The following ADAM22 variants were observed in gnomAD, a reference collection of about 807,000 sequenced individuals.
The protein encoded by ADAM22 is disintegrin and metalloproteinase domain-containing protein 22.
ADAM22 carries 65 observed loss-of-function variants against 144.6 expected under a neutral mutation model. The ratio of observed to expected loss-of-function variants is 0.45; its 90% confidence interval spans 0.37 to 0.55. The LOEUF is 0.55. Among genes scored for constraint, ADAM22 ranks in the 20% least tolerant of loss-of-function variants. The pLI is 0.00. For synonymous variants in ADAM22, 391 were observed against 412.6 expected, an observed-to-expected ratio of 0.95 and a Z score of 0.63; for missense variants, 974 against 1,184.9, an observed-to-expected ratio of 0.82 and a Z score of 2.61.
intron 19 of ADAM22, 32 bp from the exon 20 acceptor site, chr7:88,151,225 A>C: frequency 1.2e-6 from 2 of 1,613,290 alleles, no homozygotes; most frequent in Non-Finnish European, 1.7e-6. Flanking sequence ...CAGATATTGC[A>C]TCGCTAATGG....
Position 88,028,256 on chromosome 7 carries a change from A to G in ADAM22, c.324-47370A>G, listed in dbSNP as rs1799469320. Among the ~76,000 whole-genome samples the G allele has an allele frequency of 3.3e-5, 5 of 152,122 alleles. 1 individual carries two copies. The highest frequency in any genetic ancestry group is 3.3e-4 in the Admixed American group (5 of 15,278). On this transcript the variant is annotated intron_variant, in intron 3 of 31. Transcript: ENST00000413139. Reference sequence around the variant, plus strand: ...ATTGACCTACTCGTCATTCAGGAGCATGTTGTTTAATTTCCATGTGTTTGT... The same window carrying G: ...ATTGACCTACTCGTCATTCAGGAGCGTGTTGTTTAATTTCCATGTGTTTGT...
At chr7:87,951,243 G>A (rs1845057630) in intron 2 of ADAM22, among the ~76,000 whole-genome samples, 1 of 141,966 alleles carries the variant, frequency 7.0e-6, no homozygotes, top group Non-Finnish European at 1.5e-5. Flanking sequence ...GTAATGCCTA[G>A]GTTTTCTTCT....
At chr7:88,079,639 G>C (rs1035818578) in intron 4 of ADAM22, among the ~76,000 whole-genome samples, 1 of 152,112 alleles carries the variant, frequency 6.6e-6, no homozygotes, top group Non-Finnish European at 1.5e-5. Flanking sequence ...TCAAAGTAAA[G>C]GGATGGAGGA....
At chr7:88,038,147 A>G (rs972193034) in intron 3 of ADAM22, among the ~76,000 whole-genome samples, 1 of 152,114 alleles carries the variant, frequency 6.6e-6, no homozygotes, top group East Asian at 1.9e-4. Flanking sequence ...AGCATTCTCC[A>G]TGTCCTGTGG....
At chr7:87,969,876 T>C (rs954378994) in intron 2 of ADAM22, among the ~76,000 whole-genome samples, 38 of 152,194 alleles carry the variant, frequency 2.5e-4, no homozygotes, top group Admixed American at 6.6e-4. Flanking sequence ...AGATACAATA[T>C]ATAATCAGCT....
intron 30 of ADAM22, among the ~76,000 whole-genome samples, chr7:88,188,726 T>C (rs1848906539): frequency 6.6e-6 from 1 of 152,192 alleles, no homozygotes; most frequent in Admixed American, 6.5e-5. Flanking sequence ...AAGCCTCACA[T>C]AGGAGACCCA....
chr7:88,161,937 C>T (rs1489455474), intron 22 of ADAM22, among the ~76,000 whole-genome samples: 1 of 152,014 alleles, frequency 6.6e-6, no homozygotes, highest in Non-Finnish European at 1.5e-5. Context: ...CTATTCGACC[C>T]AGCAATCCTA....
At chr7:88,165,601 C>A (rs997267984) in intron 23 of ADAM22, among the ~76,000 whole-genome samples, 2 of 151,694 alleles carry the variant, frequency 1.3e-5, no homozygotes, top group African/African-American at 4.8e-5. Flanking sequence ...AGATGTAGAT[C>A]AATTTCTCTG....
intron 6 of ADAM22, among the ~76,000 whole-genome samples, chr7:88,116,214 A>C (rs972099096): frequency 6.6e-6 from 1 of 151,936 alleles, no homozygotes; most frequent in African/African-American, 2.4e-5. Flanking sequence ...ATTATATTTG[A>C]GTGTTTATTA....
At chr7:88,142,621 A>G (rs1043211287) in intron 14 of ADAM22, among the ~76,000 whole-genome samples, 49 of 152,138 alleles carry the variant, frequency 3.2e-4, no homozygotes, top group African/African-American at 8.7e-4. Context: ...GGCGGATCAC[A>G]AAGTCAGGAG....
chr7:87,996,342 A>G (rs1301213306), intron 3 of ADAM22, among the ~76,000 whole-genome samples: 2 of 152,242 alleles, frequency 1.3e-5, no homozygotes, highest in African/African-American at 2.4e-5. Context: ...GAGGAGTCCA[A>G]GATCAAGGCT....
At chr7:88,167,720 C>G (rs118135799) in intron 24 of ADAM22, among the ~76,000 whole-genome samples, 1 of 152,146 alleles carries the variant, frequency 6.6e-6, no homozygotes, top group African/African-American at 2.4e-5. Flanking sequence ...ATAACACACA[C>G]AAAACCGAGA....
At chr7:87,988,579 G>C (rs1306344868) in intron 3 of ADAM22, among the ~76,000 whole-genome samples, 5 of 152,154 alleles carry the variant, frequency 3.3e-5, no homozygotes, top group African/African-American at 1.2e-4. Flanking sequence ...AGTCATATTT[G>C]CGTATTTTAT....
At chr7:88,008,707 A>C (rs1267754640) in intron 3 of ADAM22, among the ~76,000 whole-genome samples, 1 of 151,932 alleles carries the variant, frequency 6.6e-6, no homozygotes, top group African/African-American at 2.4e-5. Flanking sequence ...CAATGAGAAC[A>C]CATGGACACA....
intron 12 of ADAM22, among the ~76,000 whole-genome samples, chr7:88,133,789 A>G (rs1308645394): frequency 1.3e-5 from 2 of 152,182 alleles, no homozygotes; most frequent in African/African-American, 2.4e-5. Context: ...AAATACTTGC[A>G]TTTTTAAGAG....
rs1351912091 is a variant in ADAM22 at position 88,145,117 on chromosome 7, C to T, written c.1321-8C>T. 4.3e-6 allele frequency: 7 copies of T among 1,610,394 alleles called. No individual in the cohort carries two copies. Among genetic ancestry groups the T allele is most frequent in the Non-Finnish European group, 5.9e-6 (7 of 1,178,954 alleles). Reference sequence around the variant, plus strand: ...ATATTTTAGTTCACTTTTTGGTTTTCCTCACAGCTTCTTGATCCTCCTGAG... The same window carrying T: ...ATATTTTAGTTCACTTTTTGGTTTTTCTCACAGCTTCTTGATCCTCCTGAG... On this transcript the variant is annotated splice_region_variant and splice_polypyrimidine_tract_variant and intron_variant, in intron 15 of 31. Transcript: ENST00000413139.
At chr7:88,077,323 T>C (rs1383089821) in intron 4 of ADAM22, among the ~76,000 whole-genome samples, 3 of 152,212 alleles carry the variant, frequency 2.0e-5, no homozygotes, top group African/African-American at 7.2e-5. Flanking sequence ...TGGAAAAGTT[T>C]AAACAGACTT....
intron 17 of ADAM22, among the ~76,000 whole-genome samples, 185 bp from the exon 18 acceptor site, chr7:88,148,792 A>G (rs1837368980): frequency 6.6e-6 from 1 of 152,240 alleles, no homozygotes; most frequent in African/African-American, 2.4e-5. Context: ...ATCATACACA[A>G]GAAACTGTTT....
At chr7:88,002,742 C>T (rs762100933) in intron 3 of ADAM22, among the ~76,000 whole-genome samples, 3 of 152,132 alleles carry the variant, frequency 2.0e-5, no homozygotes, top group Admixed American at 2.0e-4. Context: ...CTTTATGCAC[C>T]TTGGAGGAGA....
Sources: gnomAD v4.1 joint callset for allele counts (sites outside exome capture counted in the v4.1 genomes callset) on GRCh38, gnomAD v4.1.1 for gene constraint, MANE v1.5 for transcripts, NCBI Gene and HGNC (gene_info 2026-07-23, HGNC 2026-07-21) for gene names.